The following ARHGEF10L variants were observed in gnomAD, a reference collection of about 807,000 sequenced individuals.
The protein encoded by ARHGEF10L is rho guanine nucleotide exchange factor 10-like protein.
A neutral mutation model predicts 141.2 loss-of-function variants in ARHGEF10L; 69 were observed. That is an observed-to-expected ratio of 0.49 (90% CI 0.40 to 0.60). ARHGEF10L has a LOEUF of 0.60. Among genes scored for constraint, ARHGEF10L ranks in the 20% least tolerant of loss-of-function variants. The pLI, the probability that ARHGEF10L is intolerant of heterozygous loss-of-function variation, is 0.00. For synonymous variants in ARHGEF10L, 711 were observed against 718.5 expected (o/e 0.99, Z 0.17); for missense variants, 1,482 against 1,734.3 (o/e 0.85, Z 2.58).
rs375300939 is a variant in ARHGEF10L at position 17,624,623 on chromosome 1, C to T, written c.1317+120C>T. The T allele has an allele frequency of 6.7e-5, 53 of 791,378 alleles. 3 individuals are homozygous for T. Among genetic ancestry groups the T allele is most frequent in the East Asian group, 5.5e-4 (21 of 38,036 alleles). 49.0% of individuals were successfully genotyped at this position (791,378 alleles called of 1,614,324 possible). A position where few individuals can be genotyped will look rare whatever the true frequency, so the allele number is the denominator to read the frequency against. On this transcript the variant is annotated intron_variant, in intron 13 of 28. Coordinates refer to ENST00000361221, the MANE Select transcript of ARHGEF10L (RefSeq NM_018125.4). ...TCATAGCTTTGGCCTGGACAGCTCC[C>T]CTCTTTCTTTTGGGGCAGCCCAGTC...
At chr1:17,674,400 C>T (rs985330128) in intron 26 of ARHGEF10L, among the ~76,000 whole-genome samples, 1 of 152,230 alleles carries the variant, frequency 6.6e-6, no homozygotes, top group Non-Finnish European at 1.5e-5. Flanking sequence ...AGTGACAGCA[C>T]AGGTCCTGCA....
At chr1:17,680,845 G>T (rs903771381) in intron 26 of ARHGEF10L, among the ~76,000 whole-genome samples, 4 of 150,078 alleles carry the variant, frequency 2.7e-5, no homozygotes, top group Admixed American at 2.7e-4. Flanking sequence ...TTGCAGTGGC[G>T]TGATCTCGGC....
At chr1:17,634,069 A>G (rs1475581647) in intron 16 of ARHGEF10L, among the ~76,000 whole-genome samples, 2 of 152,138 alleles carry the variant, frequency 1.3e-5, no homozygotes, top group South Asian at 2.1e-4. Context: ...TCTGTCACAC[A>G]TGGGTCTGGG....
At chr1:17,554,955 A>G (rs1438485624) in intron 1 of ARHGEF10L, among the ~76,000 whole-genome samples, 2 of 152,072 alleles carry the variant, frequency 1.3e-5, no homozygotes, top group East Asian at 1.9e-4. Flanking sequence ...TCTTTCTCCA[A>G]TCAGGAGAAC....
chr1:17,670,451 C>T (rs987151726), intron 26 of ARHGEF10L, among the ~76,000 whole-genome samples: 3 of 152,238 alleles, frequency 2.0e-5, no homozygotes, highest in African/African-American at 2.4e-5. Flanking sequence ...CTAATCCAGT[C>T]GTTTGGAGTT....
At chr1:17,670,560 G>A (rs532387641) in intron 26 of ARHGEF10L, among the ~76,000 whole-genome samples, 1 of 152,224 alleles carries the variant, frequency 6.6e-6, no homozygotes, top group Non-Finnish European at 1.5e-5. Context: ...GCAGGCCTGC[G>A]GCACATGAGG....
At chr1:17,599,783 G>A (rs997407490) in intron 4 of ARHGEF10L, among the ~76,000 whole-genome samples, 2 of 152,220 alleles carry the variant, frequency 1.3e-5, no homozygotes, top group Non-Finnish European at 2.9e-5. Context: ...TGAAATGTGA[G>A]CTGACACTTG....
intron 21 of ARHGEF10L, 49 bp downstream of exon 21, chr1:17,640,351 G>A (rs61764910): frequency 0.042 from 63,238 of 1,507,924 alleles, 1,525 homozygotes; most frequent in Non-Finnish European, 0.048. Flanking sequence ...GGTGTGGAAC[G>A]GGGAGGTTTG....
chr1:17,599,331 CAA>C (rs57490972), intron 4 of ARHGEF10L, among the ~76,000 whole-genome samples: 11 of 104,082 alleles, frequency 1.1e-4, no homozygotes, highest in Non-Finnish European at 8.0e-5. Flanking sequence ...GTGAGACTGT[CAA>C]AAAAAAAAAA....
chr1:17,655,776 C>A (rs1466620272), intron 23 of ARHGEF10L, 103 bp from the exon 24 acceptor site: 2 of 1,042,252 alleles, frequency 1.9e-6, no homozygotes, highest in Non-Finnish European at 2.8e-6. Context: ...AGAAGGGATG[C>A]TTCTCTCAGG....
chr1:17,542,837 G>A (rs1396501406), intron 1 of ARHGEF10L, among the ~76,000 whole-genome samples: 1 of 152,204 alleles, frequency 6.6e-6, no homozygotes, highest in Non-Finnish European at 1.5e-5. Context: ...GAAGGCGCCA[G>A]CACTCAGCCT....
At chr1:17,589,166 C>T (rs903848794) in intron 4 of ARHGEF10L, among the ~76,000 whole-genome samples, 1 of 152,116 alleles carries the variant, frequency 6.6e-6, no homozygotes, top group East Asian at 1.9e-4. Context: ...TTGGTTTTCT[C>T]ATCTGTAAAA....
intron 27 of ARHGEF10L, chr1:17,690,989 C>G (rs1012981620): frequency 1.2e-5 from 4 of 321,760 alleles, no homozygotes; most frequent in African/African-American, 9.0e-5. Flanking sequence ...TGTTCCTACA[C>G]TAAGTGTGGA....
chr1:17,607,424 A>G lies in ARHGEF10L; in HGVS notation c.434-378A>G, dbSNP rs2081275926. On this transcript the variant is annotated intron_variant, in intron 6 of 28. Coordinates refer to ENST00000361221, the MANE Select transcript of ARHGEF10L (RefSeq NM_018125.4). This position sits in a 1 kb window ranked among gnomAD's most constrained non-coding sequence, Gnocchi z 4.5. ...CAGGAGTTTGAGGCCACAGTGAGCT[A>G]TGATTGTACCACTGCACTCCAGCCT... Among the ~76,000 whole-genome samples the G allele has an allele frequency of 6.6e-6, 1 of 152,160 alleles. No individual in the cohort carries two copies. The highest frequency in any genetic ancestry group is 2.1e-4 in the South Asian group (1 of 4,836).
At chr1:17,672,285 G>A (rs1003660024) in intron 26 of ARHGEF10L, among the ~76,000 whole-genome samples, 2 of 149,894 alleles carry the variant, frequency 1.3e-5, no homozygotes, top group African/African-American at 4.9e-5. Context: ...TATCATACGA[G>A]TGTGATGCGG....
chr1:17,692,712 C>G (rs11203437), intron 27 of ARHGEF10L, among the ~76,000 whole-genome samples: 150,145 of 152,314 alleles, frequency 0.99, 74,054 homozygotes, highest in East Asian at 1. Context: ...ACTCAAATCA[C>G]GTCACGCTAC....
intron 28 of ARHGEF10L, among the ~76,000 whole-genome samples, 182 bp from the exon 29 acceptor site, chr1:17,696,666 T>C (rs1374498043): frequency 6.6e-6 from 1 of 152,154 alleles, no homozygotes; most frequent in Non-Finnish European, 1.5e-5. Flanking sequence ...TCCACTCCCC[T>C]GAGGAAGTTG....
chr1:17,634,158 C>A (rs1301755207), intron 16 of ARHGEF10L: 2 of 297,408 alleles, frequency 6.7e-6, no homozygotes, highest in South Asian at 4.3e-5. Flanking sequence ...CCGTTTATAT[C>A]CTGGGCACCG....
At chr1:17,651,436 T>C (rs1223477294) in intron 22 of ARHGEF10L, among the ~76,000 whole-genome samples, 2 of 152,304 alleles carry the variant, frequency 1.3e-5, no homozygotes, top group South Asian at 2.1e-4. Flanking sequence ...AGCGCATCCC[T>C]GCAGAAGGCT....
Sources: gnomAD v4.1 joint callset for allele counts (sites outside exome capture counted in the v4.1 genomes callset) on GRCh38, gnomAD v4.1.1 for gene constraint, Gnocchi (gnomAD v3.1) non-coding constraint, MANE v1.5 for transcripts, NCBI Gene and HGNC (gene_info 2026-07-23, HGNC 2026-07-21) for gene names.